The following TUT4 variants were observed in gnomAD, a reference collection of about 807,000 sequenced individuals.
TUT4 encodes the protein terminal uridylyltransferase 4.
Under a neutral mutation model 192.2 loss-of-function variants are expected in TUT4, and 36 were observed. The observed-to-expected ratio is 0.19, with a 90% CI of 0.14 to 0.25. The LOEUF (loss-of-function observed/expected upper bound fraction) is 0.25. Ranked by LOEUF, TUT4 falls within the 10% of genes least tolerant of loss-of-function variation. The probability of loss-of-function intolerance (pLI) is 1.00; values close to 1 mark genes in which losing one functional copy is unlikely to be tolerated. For missense variants in TUT4, 1,493 were observed against 1,957.2 expected (o/e 0.76, Z 4.47); for synonymous variants, 618 against 666.0 (o/e 0.93, Z 1.11).
chr1:52,490,709 A>T, intron 8 of TUT4, 23 bp downstream of exon 8: 1 of 1,585,460 alleles, frequency 6.3e-7, no homozygotes, highest in Admixed American at 1.9e-5. Flanking sequence ...TTTTTTAAAT[A>T]TTTTATCTTC....
intron 5 of TUT4, 102 bp from the exon 6 acceptor site, chr1:52,495,617 T>C (rs1196296733): frequency 2.9e-6 from 2 of 696,986 alleles, no homozygotes; most frequent in East Asian, 2.9e-5. Context: ...TTCTACGTCT[T>C]CCATTTCTAG....
In TUT4 at chr1:52,460,109, T is replaced by C. The variant is rs58416424; in HGVS notation, c.3321+1025A>G. On this transcript the variant is annotated intron_variant, in intron 19 of 29. Coordinates refer to ENST00000257177, the MANE Select transcript of TUT4 (RefSeq NM_001009881.3). ...ACCTTGTTAGGTGAATCTAGAAAAG[T>C]AGGCATATCAAGTCTTGTATGTAGT... Among the ~76,000 whole-genome samples the C allele has an allele frequency of 5.3e-3, 800 of 152,284 alleles. 9 individuals carry two copies. The highest frequency in any genetic ancestry group is 0.019 in the African/African-American group (775 of 41,566).
chr1:52,484,608 T>C (rs1048763922), intron 9 of TUT4, among the ~76,000 whole-genome samples: 10 of 152,244 alleles, frequency 6.6e-5, no homozygotes, highest in African/African-American at 2.4e-4. Context: ...TATTTTTGCA[T>C]TTAGCATGCT....
chr1:52,458,468 G>GA lies in TUT4; in HGVS notation c.3322-20dup. 1 of 1,582,206 alleles carries GA rather than the reference G, an allele frequency of 6.3e-7. No individual in the cohort carries two copies. Among genetic ancestry groups the GA allele is most frequent in the Non-Finnish European group, 8.7e-7 (1 of 1,154,454 alleles). ...CACATCGCTAAAAAACAACATGATTGAAAACAAAACTTCAGAGTCTTACTC... is the reference window on the plus strand; with the variant it reads ...CACATCGCTAAAAAACAACATGATTGAAAAACAAAACTTCAGAGTCTTACTC... On this transcript the variant is annotated intron_variant, in intron 19 of 29. Transcript: ENST00000257177.
intron 1 of TUT4, among the ~76,000 whole-genome samples, chr1:52,527,869 A>T (rs530378177): frequency 2.6e-5 from 4 of 151,906 alleles, no homozygotes; most frequent in African/African-American, 4.8e-5. Context: ...TTTGCTGTGA[A>T]CCTAAAAGTG....
chr1:52,492,985 A>G (rs1047949737), intron 7 of TUT4, among the ~76,000 whole-genome samples: 2 of 152,250 alleles, frequency 1.3e-5, no homozygotes, highest in African/African-American at 4.8e-5. Flanking sequence ...CATAATGATT[A>G]TAGGTTTTGT....
chr1:52,431,457 C>T lies in TUT4; in HGVS notation c.4267G>A (p.Glu1423Lys). 1.3e-6 allele frequency: 2 copies of T among 1,536,918 alleles called. No individual in the cohort carries two copies. The highest frequency in any genetic ancestry group is 1.8e-6 in the Non-Finnish European group (2 of 1,141,644). ...GGCTGAGGAGAATAAGATGGTGATT[C>T]AGACTGCAGACAAAAAAAAAATTTT... ...IRTRQSSECS[E>K]SPSYSPQPQP... The change falls in exon 28 of 30, where the codon GAA becomes AAA. Residue 1423 changes from glutamate to lysine, a missense_variant. Physicochemically the swap from Glu to Lys is moderately conservative, Grantham distance 56. This residue lies in a region of TUT4 where 351 missense variants were observed against 397.8 expected (regional missense o/e 0.88). Transcript: ENST00000257177.
chr1:52,424,025 G>A, intron 29 of TUT4, 23 bp from the exon 30 acceptor site: 1 of 1,597,082 alleles, frequency 6.3e-7, no homozygotes, highest in Middle Eastern at 1.7e-4. Flanking sequence ...ACACAGACAG[G>A]AAACTGAAAG....
At chr1:52,495,039 C>T (rs539078951) in intron 6 of TUT4, among the ~76,000 whole-genome samples, 74 of 152,156 alleles carry the variant, frequency 4.9e-4, no homozygotes, top group African/African-American at 1.7e-3. Flanking sequence ...ATTATTATTC[C>T]TGTTTTGGAA....
At chr1:52,467,984 ATATT>A (rs1353132157) in intron 15 of TUT4, among the ~76,000 whole-genome samples, 193 bp downstream of exon 15, 1 of 152,162 alleles carries the variant, frequency 6.6e-6, no homozygotes, top group African/African-American at 2.4e-5. Context: ...ATAATATTAT[ATATT>A]TATTAGTCAA....
intron 2 of TUT4, among the ~76,000 whole-genome samples, chr1:52,524,432 G>A (rs1473558996): frequency 6.6e-6 from 1 of 151,962 alleles, no homozygotes; most frequent in Non-Finnish European, 1.5e-5. Flanking sequence ...GCTGAGGCAG[G>A]AGAATGGCGT....
chr1:52,546,118 G>A (rs1347225511), intron 1 of TUT4, among the ~76,000 whole-genome samples: 1 of 152,130 alleles, frequency 6.6e-6, no homozygotes, highest in African/African-American at 2.4e-5. Flanking sequence ...CAGCTTGGGA[G>A]ACAGAGCCAG....
intron 4 of TUT4, among the ~76,000 whole-genome samples, chr1:52,507,159 T>C (rs1675826969): frequency 6.6e-6 from 1 of 152,226 alleles, no homozygotes; most frequent in Non-Finnish European, 1.5e-5. Context: ...ATTCTTTCCC[T>C]GGGTTCAGGA....
At chr1:52,461,305 C>T in intron 18 of TUT4, 82 bp from the exon 19 acceptor site, 1 of 1,318,062 alleles carries the variant, frequency 7.6e-7, no homozygotes, top group South Asian at 1.4e-5. Flanking sequence ...AAAATACACT[C>T]CAAATACAAA....
intron 29 of TUT4, chr1:52,424,230 G>T (rs908600876): frequency 2.0e-6 from 1 of 498,682 alleles, no homozygotes; most frequent in Admixed American, 3.5e-5. Flanking sequence ...GGAATCAAAG[G>T]GAAAAAACCC....
rs1654472560 is a variant in TUT4, at chr1:52,438,477, A to T, written c.3823-142T>A. The T allele has an allele frequency of 5.0e-6, 3 of 602,362 alleles. No homozygotes were observed. In the Admixed American group the frequency reaches 9.6e-5, roughly 19 times the overall value. 37.3% of individuals were successfully genotyped at this position (602,362 alleles called of 1,614,324 possible). On this transcript the variant is annotated intron_variant, in intron 24 of 29. Transcript: ENST00000257177. ...ATATTTCACTGTAAGAAAACCCAAG[A>T]TATGAAAATAAGATTCACAATCATC...
At chr1:52,454,606 T>TA (rs1660351049) in intron 20 of TUT4, among the ~76,000 whole-genome samples, 2 of 152,122 alleles carry the variant, frequency 1.3e-5, no homozygotes, top group Admixed American at 6.5e-5. Flanking sequence ...AAATGTAAAA[T>TA]AAAACTCCTG....
intron 24 of TUT4, among the ~76,000 whole-genome samples, chr1:52,445,377 A>G (rs527704830): frequency 1.3e-5 from 2 of 152,268 alleles, no homozygotes; most frequent in South Asian, 2.1e-4. Flanking sequence ...CTATGTGTAT[A>G]TTTTCATCGA....
chr1:52,508,102 T>C (rs1390528305), intron 4 of TUT4, among the ~76,000 whole-genome samples: 5 of 152,232 alleles, frequency 3.3e-5, no homozygotes, highest in Admixed American at 2.0e-4. Context: ...CCTTAGCCAC[T>C]GCACCCAGCC....
Sources: gnomAD v4.1 joint callset for allele counts (sites outside exome capture counted in the v4.1 genomes callset) on GRCh38, gnomAD v4.1.1 for gene constraint, gnomAD v4.1.1 regional missense constraint, MANE v1.5 for transcripts, NCBI Gene and HGNC (gene_info 2026-07-23, HGNC 2026-07-21) for gene names.